The following HAPLN4 variants were observed in gnomAD, a reference collection of about 807,000 sequenced individuals.
HAPLN4 encodes hyaluronan and proteoglycan link protein 4.
HAPLN4 carries 19 observed loss-of-function variants against 28.0 expected under a neutral mutation model. That is an observed-to-expected ratio of 0.68 (90% CI 0.47 to 1.00). The LOEUF (loss-of-function observed/expected upper bound fraction) is 1.00, where lower values mean the gene tolerates loss of function less well. Among genes scored for constraint, HAPLN4 ranks in the 50% least tolerant of loss-of-function variants. The pLI, the probability that HAPLN4 is intolerant of heterozygous loss-of-function variation, is 0.00. For missense variants in HAPLN4, 587 were observed against 602.6 expected (o/e 0.97, Z 0.27); for synonymous variants, 274 against 273.0 (o/e 1.00, Z -0.03).
chr19:19,261,074 C>A lies in HAPLN4; in HGVS notation c.223G>T (p.Ala75Ser). ...CGGACGCCGTCGTGACCGTGGGCGG[C>A]TGCCTCATAGTGGTAGCGGCAGGGC... is the stretch of plus-strand genomic sequence containing the variant. ...VLPCRYHYEA[A>S]AHGHDGVRLK... The change falls in exon 3 of 5, where the codon GCC becomes TCC. Residue 75 changes from alanine (A) to serine (S), a missense_variant. Physicochemically the swap from Ala to Ser is moderately conservative, Grantham distance 99. Coordinates refer to ENST00000291481, the MANE Select transcript of HAPLN4 (RefSeq NM_023002.3). 3 of 1,613,114 alleles carry A rather than the reference C, an allele frequency of 1.9e-6. No individual in the cohort carries two copies. Among genetic ancestry groups the A allele is most frequent in the South Asian group, 1.1e-5 (1 of 91,076 alleles).
intron 2 of HAPLN4, 106 bp downstream of exon 2, chr19:19,261,340 G>T: frequency 7.9e-7 from 1 of 1,265,324 alleles, no homozygotes; most frequent in Non-Finnish European, 1.1e-6. Context: ...ATGGGGAGTG[G>T]CTGGGGGAAC....
In HAPLN4 at chr19:19,255,895, C is replaced by G. The variant is rs2060964067; in HGVS notation, c.*1922G>C. ...AGGGGGACCCCAGTACTCCTGCAGG[C>G]AAGACTTCGGGACTGGGGTCTCCCA... is the stretch of plus-strand genomic sequence containing the variant. On this transcript the variant is annotated 3_prime_UTR_variant, in exon 5 of 5. Transcript: ENST00000291481. 1 of 152,198 alleles carries G rather than the reference C, an allele frequency of 6.6e-6. No homozygotes were observed. The allele number at this position is 152,198 out of a possible 1,614,324, so 9.4% of individuals were successfully genotyped here. A position where few individuals can be genotyped will look rare whatever the true frequency, so the allele number is the denominator to read the frequency against.
In HAPLN4 at chr19:19,262,710, G is replaced by A; in HGVS notation, c.3+20C>T. ...TGGGGAGACGGGGCACACACCACCCGCGCCCGCAGCCCCACTTACCATCTT... is the reference window on the plus strand; with the variant it reads ...TGGGGAGACGGGGCACACACCACCCACGCCCGCAGCCCCACTTACCATCTT... On this transcript the variant is annotated intron_variant, in intron 1 of 4. Coordinates refer to ENST00000291481, the MANE Select transcript of HAPLN4 (RefSeq NM_023002.3). 1.9e-6 allele frequency: 3 copies of A among 1,612,300 alleles called. No homozygotes were observed. The highest frequency in any genetic ancestry group is 2.5e-6 in the Non-Finnish European group (3 of 1,179,144).
chr19:19,258,574 G>A lies in HAPLN4; in HGVS notation c.766C>T (p.His256Tyr). The change falls in exon 4 of 5, where the codon CAT (histidine) becomes TAT (tyrosine). Residue 256 changes from histidine (H) to tyrosine (Y), a missense_variant. Transcript: ENST00000291481. This position sits in a 1 kb window ranked among gnomAD's most constrained non-coding sequence, Gnocchi z 6.2. ...GCGTCGTAGCGTTCCTCGGCGTTATGGCGATACCCGTAGTTGCGCAGGCCC... is the reference window on the plus strand; with the variant it reads ...GCGTCGTAGCGTTCCTCGGCGTTATAGCGATACCCGTAGTTGCGCAGGCCC... ...NGGLRNYGYR[H>Y]NAEERYDAFC... 6 of 1,613,706 alleles carry A rather than the reference G, an allele frequency of 3.7e-6. No homozygotes were observed. Among genetic ancestry groups the A allele is most frequent in the Non-Finnish European group, 5.1e-6 (6 of 1,179,876 alleles).
At position 19,257,681 on chromosome 19, in the gene HAPLN4, A is replaced by AG; in HGVS notation, c.*135dup. The AG allele has an allele frequency of 9.1e-7, 1 of 1,095,518 alleles. No homozygotes were observed. Among genetic ancestry groups the AG allele is most frequent in the Non-Finnish European group, 1.2e-6 (1 of 845,264 alleles). 67.9% of individuals were successfully genotyped at this position (1,095,518 alleles called of 1,614,324 possible). A position where few individuals can be genotyped will look rare whatever the true frequency, so the allele number is the denominator to read the frequency against. ...GGACTAGCCAGTCTTCAGGGACCCCAGGGGCACAGTTAGTTTGTAAGGGAC... is the reference window on the plus strand; with the variant it reads ...GGACTAGCCAGTCTTCAGGGACCCCAGGGGGCACAGTTAGTTTGTAAGGGAC... On this transcript the variant is annotated 3_prime_UTR_variant, in exon 5 of 5. Transcript: ENST00000291481.
chr19:19,261,399 A>T (rs756976545), intron 2 of HAPLN4, 47 bp downstream of exon 2: 3 of 1,530,504 alleles, frequency 2.0e-6, no homozygotes, highest in South Asian at 2.2e-5. Context: ...GCACTTGGCC[A>T]CTTCTGCTTT....
At chr19:19,259,404 T>C (rs772837831) in intron 3 of HAPLN4, among the ~76,000 whole-genome samples, 5 of 152,200 alleles carry the variant, frequency 3.3e-5, no homozygotes, top group Non-Finnish European at 7.3e-5. Flanking sequence ...TTGGAACTTG[T>C]CCCTCATTGG....
At chr19:19,262,628 A>G in intron 1 of HAPLN4, 102 bp downstream of exon 1, 1 of 1,341,436 alleles carries the variant, frequency 7.5e-7, no homozygotes, top group Non-Finnish European at 1.1e-6. Flanking sequence ...AAAGGAAGAG[A>G]CAGAAGAAAC....
intron 3 of HAPLN4, among the ~76,000 whole-genome samples, chr19:19,259,933 C>T (rs967572739): frequency 2.6e-5 from 4 of 152,190 alleles, no homozygotes; most frequent in Non-Finnish European, 4.4e-5. Flanking sequence ...CAGTTGGGCA[C>T]ATGACTCAAG....
At chr19:19,262,369 G>C (rs942557934) in intron 1 of HAPLN4, among the ~76,000 whole-genome samples, 4 of 151,324 alleles carry the variant, frequency 2.6e-5, no homozygotes, top group Admixed American at 6.6e-5. Context: ...CAGAGGGAGA[G>C]ACAGAGAGGC....
Position 19,261,036 on chromosome 19 carries a change from T to G in HAPLN4, c.261A>C (p.Thr87=), listed in dbSNP as rs2060981523. Residue 87 remains threonine (T), a synonymous_variant, in exon 3 of 5, where the codon ACA becomes ACC. Transcript: ENST00000291481. ...HGHDGVRLKW[T]KVVDPLAFTD... ...TGAAGGCCAGCGGGTCCACCACCTTTGTCCACTTGAGCCGGACGCCGTCGT... is the reference window on the plus strand; with the variant it reads ...TGAAGGCCAGCGGGTCCACCACCTTGGTCCACTTGAGCCGGACGCCGTCGT... 1.2e-6 allele frequency: 2 copies of G among 1,613,402 alleles called. No individual in the cohort carries two copies. The highest frequency in any genetic ancestry group is 1.3e-5 in the African/African-American group (1 of 74,932).
chr19:19,262,740 G>C lies in HAPLN4; in HGVS notation c.-8C>G, dbSNP rs770004739. 6.2e-7 allele frequency: 1 copy of C among 1,608,848 alleles called. No individual in the cohort carries two copies. Among genetic ancestry groups the C allele is most frequent in the Non-Finnish European group, 8.5e-7 (1 of 1,177,002 alleles). On this transcript the variant is annotated 5_prime_UTR_variant, in exon 1 of 5. Transcript: ENST00000291481. ...CGCAGCCCCACTTACCATCTTGCCCGCGCGGCCCCCGCCGAGCGGCCCCTA... is the reference window on the plus strand; with the variant it reads ...CGCAGCCCCACTTACCATCTTGCCCCCGCGGCCCCCGCCGAGCGGCCCCTA...
Position 19,261,066 on chromosome 19 carries a change from G to A in HAPLN4, c.231C>T (p.His77=). The change falls in exon 3 of 5, where the codon CAC becomes CAT. Residue 77 remains histidine, a synonymous_variant. Transcript: ENST00000291481. Reference sequence around the variant, plus strand: ...ACTTGAGCCGGACGCCGTCGTGACCGTGGGCGGCTGCCTCATAGTGGTAGC... The same window carrying A: ...ACTTGAGCCGGACGCCGTCGTGACCATGGGCGGCTGCCTCATAGTGGTAGC... The part of the protein sequence containing the change: ...PCRYHYEAAA[H]GHDGVRLKWT... 6.2e-7 allele frequency: 1 copy of A among 1,613,076 alleles called. No homozygotes were observed. Among genetic ancestry groups the A allele is most frequent in the Non-Finnish European group, 8.5e-7 (1 of 1,179,980 alleles).
chr19:19,261,354 G>A, intron 2 of HAPLN4, 92 bp downstream of exon 2: 2 of 1,304,312 alleles, frequency 1.5e-6, no homozygotes, highest in Non-Finnish European at 2.2e-6. Flanking sequence ...GGGGAACCGC[G>A]GACGTCAGGA....
rs371097836 is a variant in HAPLN4 at position 19,259,320 on chromosome 19, G to A, written c.485-465C>T. 3.9e-5 allele frequency among the ~76,000 whole-genome samples: 6 copies of A among 152,276 alleles called. 1 individual carries two copies. In the South Asian group the frequency reaches 1.2e-3, roughly 32 times the overall value. On this transcript the variant is annotated intron_variant, in intron 3 of 4. Transcript: ENST00000291481. ...CCCTGGAAGATTGGCCCTAGGTGAAGACCCCTTTGATTCCCCCAGCATTGT... is the reference window on the plus strand; with the variant it reads ...CCCTGGAAGATTGGCCCTAGGTGAAAACCCCTTTGATTCCCCCAGCATTGT...
rs769898825 is a variant in HAPLN4 at position 19,257,990 on chromosome 19, C to T, written c.1036G>A (p.Val346Met). 3 of 1,517,938 alleles carry T rather than the reference C, an allele frequency of 2.0e-6. No individual in the cohort carries two copies. The highest frequency in any genetic ancestry group is 2.0e-5 in the Admixed American group (1 of 49,072). The allele number at this position is 1,517,938 out of a possible 1,614,324, so 94.0% of individuals were successfully genotyped here. The change falls in exon 5 of 5, where the codon GTG (valine) becomes ATG (methionine). Residue 346 changes from valine to methionine, a missense_variant. Physicochemically the swap from Val to Met is conservative, Grantham distance 21. Transcript: ENST00000291481. ...RARCGGRRPG[V>M]RSLGFPDATR... ...GCGTCCGGGAAGCCGAGGCTGCGCA[C>T]ACCAGGCCTGCGGCCTCCGCAGCGC...
chr19:19,257,862 T>C lies in HAPLN4; in HGVS notation c.1164A>G (p.Ala388=), dbSNP rs1472866769. 7.0e-7 allele frequency: 1 copy of C among 1,433,798 alleles called. No individual in the cohort carries two copies. The highest frequency in any genetic ancestry group is 9.0e-7 in the Non-Finnish European group (1 of 1,105,014). 88.8% of individuals were successfully genotyped at this position (1,433,798 alleles called of 1,614,324 possible). Residue 388 remains alanine, a synonymous_variant, in exon 5 of 5, where the codon GCA becomes GCG. Coordinates refer to ENST00000291481, the MANE Select transcript of HAPLN4 (RefSeq NM_023002.3). The stretch of plus-strand genomic sequence containing the variant: ...AGGCAGCAGGATCGCGCGCGCCCCC[T>C]GCCCAGCCGCCGCCGCCCGCCCAGC... ...GWGWAGGGGW[A]GGARDPAAWT...
chr19:19,258,862 G>A lies in HAPLN4; in HGVS notation c.485-7C>T, dbSNP rs1485406759. 6.5e-7 allele frequency: 1 copy of A among 1,528,018 alleles called. No homozygotes were observed. The highest frequency in any genetic ancestry group is 8.8e-7 in the Non-Finnish European group (1 of 1,136,682). The allele number at this position is 1,528,018 out of a possible 1,614,324, so 94.7% of individuals were successfully genotyped here. A position where few individuals can be genotyped will look rare whatever the true frequency, so the allele number is the denominator to read the frequency against. On this transcript the variant is annotated splice_region_variant and splice_polypyrimidine_tract_variant and intron_variant, in intron 3 of 4. Coordinates refer to ENST00000291481, the MANE Select transcript of HAPLN4 (RefSeq NM_023002.3). This position sits in a 1 kb window ranked among gnomAD's most constrained non-coding sequence, Gnocchi z 6.2. The stretch of plus-strand genomic sequence containing the variant: ...TGGTAGGGAAAGACCACGCCTGGCG[G>A]GGGGCGCACGGGATCAGCAGGTACA...
intron 1 of HAPLN4, among the ~76,000 whole-genome samples, chr19:19,261,893 G>A (rs2060984915): frequency 6.6e-6 from 1 of 152,026 alleles, no homozygotes; most frequent in South Asian, 2.1e-4. Flanking sequence ...AAGAGCTGGA[G>A]GAGCGGCGGC....
Sources: gnomAD v4.1 joint callset for allele counts (sites outside exome capture counted in the v4.1 genomes callset) on GRCh38, gnomAD v4.1.1 for gene constraint, Gnocchi (gnomAD v3.1) non-coding constraint, MANE v1.5 for transcripts, NCBI Gene and HGNC (gene_info 2026-07-23, HGNC 2026-07-21) for gene names.